ARPP21: variants seen among roughly 807,000 people sequenced by gnomAD.
ARPP21 encodes cAMP regulated phosphoprotein 21, also known as cAMP-regulated phosphoprotein 21.
ARPP21 carries 69 observed loss-of-function variants against 113.2 expected under a neutral mutation model. That is an observed-to-expected ratio of 0.61 (90% CI 0.50 to 0.74). The LOEUF (loss-of-function observed/expected upper bound fraction) is 0.74, where lower values mean the gene tolerates loss of function less well. Ranked by LOEUF, ARPP21 falls within the 30% of genes least tolerant of loss-of-function variation. The pLI, the probability that ARPP21 is intolerant of heterozygous loss-of-function variation, is 0.00. For missense variants in ARPP21, 1,070 were observed against 1,037.4 expected, an observed-to-expected ratio of 1.03 and a Z score of -0.43; for synonymous variants, 368 against 375.5, an observed-to-expected ratio of 0.98 and a Z score of 0.23.
intron 19 of ARPP21, among the ~76,000 whole-genome samples, chr3:35,763,210 G>C (rs1263548762): frequency 6.6e-6 from 1 of 152,000 alleles, no homozygotes. Context: ...CACTCTTCAG[G>C]TGCGTTAAAA....
chr3:35,707,438 C>T (rs2089573911), intron 10 of ARPP21: 2 of 483,712 alleles, frequency 4.1e-6, no homozygotes, highest in Admixed American at 4.6e-5. Context: ...GGCAGTCGTT[C>T]CACTCCCTAC....
At chr3:35,736,415 A>G (rs1351260870) in intron 15 of ARPP21, among the ~76,000 whole-genome samples, 1 of 152,176 alleles carries the variant, frequency 6.6e-6, no homozygotes, top group Non-Finnish European at 1.5e-5. Context: ...TTTCTTCCTC[A>G]CAGGAATTGT....
rs779367375 is a variant in ARPP21 at position 35,683,795 on chromosome 3, G to A, written c.241G>A (p.Gly81Ser). 1 of 1,530,466 alleles carries A rather than the reference G, an allele frequency of 6.5e-7. No homozygotes were observed. Among genetic ancestry groups the A allele is most frequent in the South Asian group, 1.1e-5 (1 of 88,782 alleles). 94.8% of individuals were successfully genotyped at this position (1,530,466 alleles called of 1,614,324 possible). ...TGAGGAATCTTCTGCCAGACCAGGA[G>A]GTGAAAGTCTTCAGGATCAGGTATA... ...VCEESSARPG[G>S]ESLQDQESIH... The change falls in exon 5 of 21, where the codon GGT (glycine) becomes AGT (serine). Residue 81 changes from glycine (G) to serine (S), a missense_variant. Transcript: ENST00000684406.
chr3:35,668,033 G>GAAAA (rs2075332955), intron 1 of ARPP21, among the ~76,000 whole-genome samples: 1 of 110,028 alleles, frequency 9.1e-6, no homozygotes, highest in African/African-American at 3.7e-5. Flanking sequence ...GAAGAAGAAG[G>GAAAA]AGAAGAAGAA....
chr3:35,691,655 C>T (rs528207287), intron 9 of ARPP21, among the ~76,000 whole-genome samples: 25 of 151,488 alleles, frequency 1.7e-4, no homozygotes, highest in Admixed American at 1.1e-3. Flanking sequence ...CTCTTAATAC[C>T]GGTTCATTGT....
intron 19 of ARPP21, among the ~76,000 whole-genome samples, chr3:35,766,424 A>G (rs532720173): frequency 2.0e-5 from 3 of 152,316 alleles, no homozygotes; most frequent in Admixed American, 2.0e-4. Flanking sequence ...AAGCACTAAC[A>G]CAGAATGAAA....
At chr3:35,767,971 C>T (rs1328642065) in intron 19 of ARPP21, among the ~76,000 whole-genome samples, 1 of 152,064 alleles carries the variant, frequency 6.6e-6, no homozygotes, top group Non-Finnish European at 1.5e-5. Context: ...ATCACTCACA[C>T]TTACACAGTT....
intron 1 of ARPP21, among the ~76,000 whole-genome samples, chr3:35,646,839 A>G (rs926477658): frequency 2.0e-5 from 3 of 152,168 alleles, no homozygotes; most frequent in African/African-American, 7.2e-5. Context: ...AATTTTGGAA[A>G]TTGTCAAACA....
intron 19 of ARPP21, among the ~76,000 whole-genome samples, chr3:35,748,092 A>AAGAAAGAG (rs1553720367): frequency 7.5e-6 from 1 of 133,442 alleles, no homozygotes; most frequent in Non-Finnish European, 1.6e-5. Context: ...GAAAGAAAGA[A>AAGAAAGAG]AGAAAGAAAG....
chr3:35,764,291 C>T (rs774245378), intron 19 of ARPP21, among the ~76,000 whole-genome samples: 2 of 152,056 alleles, frequency 1.3e-5, no homozygotes, highest in Admixed American at 1.3e-4. Flanking sequence ...GTATAATATG[C>T]ATGCTTTTGC....
At chr3:35,768,962 T>A (rs2151470024) in intron 19 of ARPP21, among the ~76,000 whole-genome samples, 1 of 152,330 alleles carries the variant, frequency 6.6e-6, no homozygotes, top group African/African-American at 2.4e-5. Context: ...TCTTTGAGTG[T>A]CAACCTATGT....
At chr3:35,674,904 C>T (rs765448755) in intron 1 of ARPP21, among the ~76,000 whole-genome samples, 11 of 151,708 alleles carry the variant, frequency 7.3e-5, no homozygotes, top group South Asian at 2.1e-4. Flanking sequence ...GTCTCTCTTG[C>T]GACATACTGG....
intron 19 of ARPP21, 103 bp from the exon 20 acceptor site, chr3:35,792,279 C>T (rs2096762549): frequency 1.1e-6 from 1 of 906,830 alleles, no homozygotes; most frequent in Non-Finnish European, 1.7e-6. Context: ...AATGTGGAGA[C>T]TGAGATGTCT....
At chr3:35,749,045 T>C (rs2095301071) in intron 19 of ARPP21, among the ~76,000 whole-genome samples, 1 of 152,238 alleles carries the variant, frequency 6.6e-6, no homozygotes, top group South Asian at 2.1e-4. Flanking sequence ...TTACTAGTTT[T>C]GCCTTTATAT....
chr3:35,687,735 A>G lies in ARPP21; in HGVS notation c.262-4A>G, dbSNP rs769838480. Reference sequence around the variant, plus strand: ...CCTAAATTATTATATTTTTTCCCCAACAGGAATCAATTCATTTACAGCTTT... The same window carrying G: ...CCTAAATTATTATATTTTTTCCCCAGCAGGAATCAATTCATTTACAGCTTT... On this transcript the variant is annotated splice_region_variant and splice_polypyrimidine_tract_variant and intron_variant, in intron 5 of 20. Transcript: ENST00000684406. 7 of 1,597,918 alleles carry G rather than the reference A, an allele frequency of 4.4e-6. No individual in the cohort carries two copies. The highest frequency in any genetic ancestry group is 6.0e-6 in the Non-Finnish European group (7 of 1,174,090).
intron 19 of ARPP21, among the ~76,000 whole-genome samples, chr3:35,748,092 A>AAGAAAGAAAG (rs2095219026): frequency 7.5e-6 from 1 of 133,444 alleles, no homozygotes; most frequent in Non-Finnish European, 1.6e-5. Context: ...GAAAGAAAGA[A>AAGAAAGAAAG]AGAAAGAAAG....
At chr3:35,668,430 G>T (rs1308999660) in intron 1 of ARPP21, among the ~76,000 whole-genome samples, 3 of 151,994 alleles carry the variant, frequency 2.0e-5, no homozygotes, top group African/African-American at 7.2e-5. Flanking sequence ...AGTCTCTGAA[G>T]TGTAGAGCAA....
At chr3:35,714,029 C>A (rs913935857) in intron 11 of ARPP21, among the ~76,000 whole-genome samples, 1 of 152,172 alleles carries the variant, frequency 6.6e-6, no homozygotes, top group African/African-American at 2.4e-5. Flanking sequence ...ATTTAGTGTA[C>A]TGTAAAGAGC....
intron 1 of ARPP21, among the ~76,000 whole-genome samples, chr3:35,675,185 T>C (rs1014528033): frequency 1.4e-5 from 2 of 143,876 alleles, no homozygotes; most frequent in Non-Finnish European, 2.9e-5. Flanking sequence ...TGCTGGAGGT[T>C]GATGACACCA....
Sources: allele counts gnomAD v4.1 joint callset (sites outside exome capture counted in the v4.1 genomes callset), GRCh38; gene constraint gnomAD v4.1.1; transcripts MANE v1.5; gene names NCBI Gene and HGNC (gene_info 2026-07-23, HGNC 2026-07-21).